Variants in PPFIA2 observed in about 807,000 individuals in gnomAD.
The protein encoded by PPFIA2 is liprin-alpha-2.
A neutral mutation model predicts 175.5 loss-of-function variants in PPFIA2; 46 were observed. That is an observed-to-expected ratio of 0.26 (90% confidence interval 0.21 to 0.34). PPFIA2 has a LOEUF of 0.34. Among genes scored for constraint, PPFIA2 ranks in the 10% least tolerant of loss-of-function variants. The pLI is 1.00. For synonymous variants in PPFIA2, 568 were observed against 511.4 expected (o/e 1.11, Z -1.49); for missense variants, 1,179 against 1,506.1 (o/e 0.78, Z 3.60).
At chr12:81,620,159 CAAAAAAAAAAAA>C (rs376856927) in intron 4 of PPFIA2, among the ~76,000 whole-genome samples, 1 of 54,602 alleles carries the variant, frequency 1.8e-5, no homozygotes, top group African/African-American at 7.8e-5. Flanking sequence ...CACTCCTTCT[CAAAAAAAAAAAA>C]AAAAAAAAAA....
chr12:81,591,319 G>C (rs925306252), intron 4 of PPFIA2, among the ~76,000 whole-genome samples: 1 of 152,122 alleles, frequency 6.6e-6, no homozygotes, highest in Non-Finnish European at 1.5e-5. Context: ...TTTTAAAAGG[G>C]AAACAGAGCA....
chr12:81,669,763 G>T (rs1413934553), intron 4 of PPFIA2, among the ~76,000 whole-genome samples: 2 of 151,898 alleles, frequency 1.3e-5, no homozygotes, highest in African/African-American at 2.4e-5. Flanking sequence ...AAGCTATGGA[G>T]AAAAAGGTAG....
chr12:81,327,190 C>T (rs1483094745), intron 21 of PPFIA2, among the ~76,000 whole-genome samples: 1 of 151,952 alleles, frequency 6.6e-6, no homozygotes, highest in African/African-American at 2.4e-5. Context: ...TTAAAAGTCT[C>T]CTTTAATTAA....
chr12:81,650,822 T>C (rs2066917097), intron 4 of PPFIA2, among the ~76,000 whole-genome samples: 1 of 152,104 alleles, frequency 6.6e-6, no homozygotes, highest in Non-Finnish European at 1.5e-5. Flanking sequence ...CGTAAAAATG[T>C]AGGTAGGAAC....
Position 81,427,989 on chromosome 12 carries a change from T to G in PPFIA2, c.645+11983A>C, listed in dbSNP as rs573970653. On this transcript the variant is annotated intron_variant, in intron 7 of 32. Coordinates refer to ENST00000549396, the MANE Select transcript of PPFIA2 (RefSeq NM_003625.5). Reference sequence around the variant, plus strand: ...TGACTTAAAGTTAATATTCTTTAACTTTTTATCTTGCCTCTCACCAAAGTT... The same window carrying G: ...TGACTTAAAGTTAATATTCTTTAACGTTTTATCTTGCCTCTCACCAAAGTT... Among the ~76,000 whole-genome samples the G allele has an allele frequency of 2.6e-5, 4 of 152,136 alleles. No homozygotes were observed. In the South Asian group the frequency reaches 8.3e-4, roughly 31 times the overall value.
At chr12:81,664,886 A>G (rs557651362) in intron 4 of PPFIA2, among the ~76,000 whole-genome samples, 4 of 152,178 alleles carry the variant, frequency 2.6e-5, no homozygotes, top group Admixed American at 1.3e-4. Context: ...TGTCCTTTGT[A>G]GGGACATGGA....
intron 22 of PPFIA2, among the ~76,000 whole-genome samples, chr12:81,310,605 C>A (rs2050520917): frequency 1.3e-5 from 2 of 152,006 alleles, no homozygotes; most frequent in South Asian, 2.1e-4. Flanking sequence ...AAACAGAAGA[C>A]AATTTATATG....
chr12:81,447,536 C>T (rs2051522414), intron 5 of PPFIA2, among the ~76,000 whole-genome samples: 1 of 152,176 alleles, frequency 6.6e-6, no homozygotes, highest in Admixed American at 6.5e-5. Context: ...AAGGCATTTG[C>T]TCACTACTGT....
At chr12:81,270,993 G>A (rs2038927269) in intron 28 of PPFIA2, 1 of 152,056 alleles carries the variant, frequency 6.6e-6, no homozygotes, top group African/African-American at 2.4e-5. Context: ...GATATTAGAA[G>A]AATCACAGTA....
At chr12:81,563,651 GA>G (rs2070674789) in intron 4 of PPFIA2, among the ~76,000 whole-genome samples, 1 of 152,152 alleles carries the variant, frequency 6.6e-6, no homozygotes, top group African/African-American at 2.4e-5. Flanking sequence ...CTCACCAGAA[GA>G]AATCAACACA....
intron 4 of PPFIA2, among the ~76,000 whole-genome samples, chr12:81,548,832 G>C (rs1244401087): frequency 1.3e-5 from 2 of 151,974 alleles, no homozygotes; most frequent in Non-Finnish European, 2.9e-5. Context: ...TAAATGTTAA[G>C]CAAATTTTAT....
At chr12:81,691,062 T>C (rs536836288) in intron 3 of PPFIA2, among the ~76,000 whole-genome samples, 4 of 152,232 alleles carry the variant, frequency 2.6e-5, no homozygotes, top group East Asian at 1.9e-4. Context: ...AAAGGTAACA[T>C]AGCCACATGT....
chr12:81,554,022 C>CT (rs747055069), intron 4 of PPFIA2, among the ~76,000 whole-genome samples: 201 of 151,732 alleles, frequency 1.3e-3, no homozygotes, highest in African/African-American at 4.2e-3. Context: ...TTTAATACAA[C>CT]TTTTTTTTGC....
intron 4 of PPFIA2, among the ~76,000 whole-genome samples, chr12:81,661,788 C>T (rs2068926571): frequency 1.3e-5 from 2 of 152,252 alleles, no homozygotes; most frequent in South Asian, 2.1e-4. Context: ...AAATTGACCA[C>T]ATAGTTGGAA....
rs144484996 is a variant in PPFIA2, at chr12:81,512,728, A to T, written c.304-54862T>A. 1.0e-2 allele frequency among the ~76,000 whole-genome samples: 1,514 copies of T among 152,082 alleles called. 16 individuals are homozygous for T. The highest frequency in any genetic ancestry group is 0.016 in the Non-Finnish European group (1,090 of 67,946). ...ACAAGTCCCAAAAGTTCATTACCTC[A>T]TTCTTATGCTTTTACAGCCTCATAG... On this transcript the variant is annotated intron_variant, in intron 4 of 32. Transcript: ENST00000549396.
intron 22 of PPFIA2, among the ~76,000 whole-genome samples, chr12:81,316,144 T>C (rs1340327910): frequency 3.3e-5 from 5 of 151,566 alleles, no homozygotes; most frequent in Non-Finnish European, 7.4e-5. Flanking sequence ...TGAAGTCTTT[T>C]TGTATTGAAT....
intron 3 of PPFIA2, among the ~76,000 whole-genome samples, chr12:81,723,330 A>G (rs1004570160): frequency 6.6e-6 from 1 of 151,120 alleles, no homozygotes; most frequent in Admixed American, 6.6e-5. Flanking sequence ...ACAAGCTGCC[A>G]CATAATTTAT....
At chr12:81,268,578 T>C (rs2038130273) in intron 28 of PPFIA2, among the ~76,000 whole-genome samples, 1 of 152,218 alleles carries the variant, frequency 6.6e-6, no homozygotes, top group Non-Finnish European at 1.5e-5. Context: ...ATTAATCTTT[T>C]CGAGTCTCTA....
At chr12:81,459,581 T>G (rs1593309345) in intron 4 of PPFIA2, among the ~76,000 whole-genome samples, 1 of 152,254 alleles carries the variant, frequency 6.6e-6, no homozygotes, top group Admixed American at 6.5e-5. Context: ...ATCATCAAAC[T>G]TTTTACAATG....
Sources: gnomAD v4.1 joint callset for allele counts (sites outside exome capture counted in the v4.1 genomes callset) on GRCh38, gnomAD v4.1.1 for gene constraint, MANE v1.5 for transcripts, NCBI Gene and HGNC (gene_info 2026-07-23, HGNC 2026-07-21) for gene names.